Variants in CDKL5 observed in about 807,000 individuals in gnomAD.
The protein encoded by CDKL5 is cyclin-dependent kinase-like 5.
Under a neutral mutation model 61.7 loss-of-function variants are expected in CDKL5, and 8 were observed. That is an observed-to-expected ratio of 0.13 (90% CI 0.08 to 0.23). CDKL5 has a LOEUF of 0.23. Ranked by LOEUF, CDKL5 falls within the 10% of genes least tolerant of loss-of-function variation. The pLI, the probability that CDKL5 is intolerant of heterozygous loss-of-function variation, is 1.00. For missense variants in CDKL5, 440 were observed against 734.5 expected, an observed-to-expected ratio of 0.60 and a Z score of 4.63; for synonymous variants, 275 against 272.3, an observed-to-expected ratio of 1.01 and a Z score of -0.10.
chrX:18,631,718 T>C lies in CDKL5; in HGVS notation c.*2961T>C, dbSNP rs1176445333. ...GGAAAAGAAACTCTGCTTCACTGTT[T>C]TTCTACCTTTATTTCTCTGCCATCC... On this transcript the variant is annotated 3_prime_UTR_variant, in exon 18 of 18. Transcript: ENST00000623535. The C allele has an allele frequency of 1.3e-6, 1 of 752,886 alleles. No individual in the cohort carries two copies. The highest frequency in any genetic ancestry group is 2.3e-5 in the African/African-American group (1 of 43,372). The allele number at this position is 752,886 out of a possible 1,213,427, so 62.0% of individuals were successfully genotyped here. A position where few individuals can be genotyped will look rare whatever the true frequency, so the allele number is the denominator to read the frequency against.
chrX:18,646,884 A>G (rs1927795197), intron 20 of CDKL5, among the ~76,000 whole-genome samples: 1 of 111,515 alleles, frequency 9.0e-6, no homozygotes, highest in Non-Finnish European at 1.9e-5. Flanking sequence ...ACTCATAAGT[A>G]CATTCTGTGT....
chrX:18,561,435 T>TAAA (rs202243682), intron 3 of CDKL5, among the ~76,000 whole-genome samples: 1 of 96,511 alleles, frequency 1.0e-5, no homozygotes, highest in African/African-American at 3.7e-5. Flanking sequence ...ACTGAATATG[T>TAAA]AAAAAAAAAA....
chrX:18,617,772 C>A (rs1926764149), intron 15 of CDKL5, among the ~76,000 whole-genome samples: 1 of 111,819 alleles, frequency 8.9e-6, no homozygotes, highest in Non-Finnish European at 1.9e-5. Context: ...TAATTTATTT[C>A]TTTTTTTCAT....
chrX:18,562,514 C>T (rs1924837505), intron 3 of CDKL5, among the ~76,000 whole-genome samples: 1 of 111,861 alleles, frequency 8.9e-6, no homozygotes, highest in Non-Finnish European at 1.9e-5. Flanking sequence ...AGAAAATATA[C>T]CAAAATATTA....
In CDKL5 at chrX:18,469,452, C is replaced by T. The variant is rs773414974; in HGVS notation, c.-162-37483C>T. 2.3e-4 allele frequency among the ~76,000 whole-genome samples: 25 copies of T among 107,279 alleles called. No homozygotes were observed. The East Asian group carries it at 6.4e-3, about 27-fold the overall frequency. 93.2% of individuals were successfully genotyped at this position (107,279 alleles called of 115,157 possible). On this transcript the variant is annotated intron_variant, in intron 1 of 17. Transcript: ENST00000623535. ...TCACCTGAGTTCGGGAGTTCGAGAC[C>T]AGCCTGACCAACATGGAGAAACCCC...
At chrX:18,553,452 T>TTGTG (rs1308797573) in intron 3 of CDKL5, among the ~76,000 whole-genome samples, 4 of 102,371 alleles carry the variant, frequency 3.9e-5, no homozygotes, top group African/African-American at 1.1e-4. Flanking sequence ...TTGAAGGCAG[T>TTGTG]TGTGTGTGTG....
chrX:18,475,730 C>T (rs1921284359), intron 1 of CDKL5, among the ~76,000 whole-genome samples: 1 of 112,524 alleles, frequency 8.9e-6, no homozygotes, highest in Non-Finnish European at 1.9e-5. Flanking sequence ...AGTATTAATA[C>T]AGTGAGAACT....
At chrX:18,518,160 T>G (rs918655717) in intron 3 of CDKL5, among the ~76,000 whole-genome samples, 14 of 110,299 alleles carry the variant, frequency 1.3e-4, no homozygotes, top group Non-Finnish European at 1.9e-5. Context: ...TCAACTTTTT[T>G]TTTTGTTTTT....
intron 1 of CDKL5, among the ~76,000 whole-genome samples, chrX:18,477,566 G>A (rs926578879): frequency 9.0e-6 from 1 of 111,631 alleles, no homozygotes; most frequent in Admixed American, 9.6e-5. Context: ...AATTTCAAGT[G>A]TAACATTTTA....
At chrX:18,648,151 G>A (rs748584905) in intron 20 of CDKL5, among the ~76,000 whole-genome samples, 11 of 111,493 alleles carry the variant, frequency 9.9e-5, no homozygotes, top group Admixed American at 8.5e-4. Flanking sequence ...TCAGTGAGCC[G>A]AGGTGGTGCC....
intron 1 of CDKL5, among the ~76,000 whole-genome samples, chrX:18,438,638 A>G (rs1428856016): frequency 9.4e-6 from 1 of 106,553 alleles, no homozygotes; most frequent in Non-Finnish European, 1.9e-5. Context: ...AAAAATACAA[A>G]AATTAGCCGG....
chrX:18,614,987 C>T (rs1425973357), intron 15 of CDKL5, among the ~76,000 whole-genome samples: 1 of 112,495 alleles, frequency 8.9e-6, no homozygotes, highest in Non-Finnish European at 1.9e-5. Flanking sequence ...TGTATTATTT[C>T]TGTCTTTTGA....
chrX:18,566,312 C>G (rs957212221), intron 4 of CDKL5, among the ~76,000 whole-genome samples: 2 of 111,385 alleles, frequency 1.8e-5, no homozygotes, highest in African/African-American at 6.5e-5. Flanking sequence ...CCACCATGCC[C>G]AGCTAATTTT....
chrX:18,597,132 C>T (rs1021501515), intron 10 of CDKL5, among the ~76,000 whole-genome samples: 1 of 110,713 alleles, frequency 9.0e-6, no homozygotes, highest in Admixed American at 9.6e-5. Flanking sequence ...ACCCCACCCC[C>T]CTCAGAAACC....
chrX:18,590,678 C>T (rs1218626519), intron 9 of CDKL5, among the ~76,000 whole-genome samples: 1 of 111,645 alleles, frequency 9.0e-6, no homozygotes, highest in Non-Finnish European at 1.9e-5. Context: ...AGAAATTTGC[C>T]AGCTATGACC....
At chrX:18,447,122 T>C (rs1284991392) in intron 1 of CDKL5, among the ~76,000 whole-genome samples, 2 of 111,203 alleles carry the variant, frequency 1.8e-5, no homozygotes, top group Non-Finnish European at 3.8e-5. Flanking sequence ...GTTGTCACAA[T>C]TGGGGGGTGG....
At chrX:18,614,882 G>T (rs1926671374) in intron 15 of CDKL5, among the ~76,000 whole-genome samples, 1 of 112,327 alleles carries the variant, frequency 8.9e-6, no homozygotes, top group South Asian at 3.7e-4. Flanking sequence ...AAGTGGTGAT[G>T]ATTTAAAAGA....
At chrX:18,492,943 T>C (rs750599040) in intron 1 of CDKL5, among the ~76,000 whole-genome samples, 1 of 112,018 alleles carries the variant, frequency 8.9e-6, no homozygotes, top group African/African-American at 3.2e-5. Context: ...GCAAAGATTA[T>C]GCTTCTTGAA....
intron 20 of CDKL5, chrX:18,647,799 C>A: frequency 7.3e-6 from 1 of 137,228 alleles, no homozygotes; most frequent in Non-Finnish European, 1.5e-5. Context: ...ATTATAGGGA[C>A]AAAACCACAG....
Sources: allele counts gnomAD v4.1 joint callset (sites outside exome capture counted in the v4.1 genomes callset), GRCh38; gene constraint gnomAD v4.1.1; transcripts MANE v1.5; gene names NCBI Gene and HGNC (gene_info 2026-07-23, HGNC 2026-07-21).